PDE1C: variants seen among roughly 807,000 people sequenced by gnomAD.
PDE1C encodes the protein phosphodiesterase 1C.
PDE1C carries 62 observed loss-of-function variants against 93.1 expected under a neutral mutation model. The ratio of observed to expected loss-of-function variants is 0.67; its 90% CI spans 0.54 to 0.82. The LOEUF (loss-of-function observed/expected upper bound fraction) is 0.82. PDE1C is among the 40% of genes least tolerant of loss of function. The pLI, the probability that PDE1C is intolerant of heterozygous loss-of-function variation, is 0.00. For missense variants in PDE1C, 742 were observed against 884.6 expected, an observed-to-expected ratio of 0.84 and a Z score of 2.04; for synonymous variants, 325 against 310.1, an observed-to-expected ratio of 1.05 and a Z score of -0.50.
intron 1 of PDE1C, 112 bp downstream of exon 1, chr7:32,070,181 T>C (rs149435064): frequency 2.6e-6 from 4 of 1,542,634 alleles, no homozygotes; most frequent in Non-Finnish European, 3.5e-6. Context: ...ACTTCTAGGG[T>C]TGTATTTAAA....
intron 1 of PDE1C, among the ~76,000 whole-genome samples, chr7:32,058,846 T>C (rs1353933313): frequency 6.6e-6 from 1 of 152,168 alleles, no homozygotes; most frequent in African/African-American, 2.4e-5. Flanking sequence ...CCTGTCTTAC[T>C]AGCTCGAATA....
chr7:32,070,330 C>G lies in PDE1C; in HGVS notation c.64G>C (p.Glu22Gln). 1 of 1,614,230 alleles carries G rather than the reference C, an allele frequency of 6.2e-7. No individual in the cohort carries two copies. The highest frequency in any genetic ancestry group is 8.5e-7 in the Non-Finnish European group (1 of 1,180,038). Residue 22 changes from glutamate to glutamine, a missense_variant, in exon 1 of 18, where the codon GAA becomes CAA. This residue lies in a region of PDE1C where 74 missense variants were observed against 88.2 expected (regional missense o/e 0.84). Transcript: ENST00000396191. ...ESNSLKYLQP[E>Q]QIEKIWLRLR... ...CGAAGCCAGATTTTCTCGATCTGTT[C>G]CGGTTGCAGGTATTTCAGAGAGTTG...
chr7:31,987,478 A>G (rs1470415646), intron 2 of PDE1C, among the ~76,000 whole-genome samples: 1 of 152,160 alleles, frequency 6.6e-6, no homozygotes, highest in Admixed American at 6.5e-5. Context: ...AAAGGAAACC[A>G]CCCACAAGCC....
intron 16 of PDE1C, among the ~76,000 whole-genome samples, chr7:31,800,243 T>C (rs1471710375): frequency 5.3e-5 from 8 of 151,638 alleles, no homozygotes; most frequent in Non-Finnish European, 7.4e-5. Flanking sequence ...ATAGAGGCTT[T>C]TGATAAAGCA....
intron 1 of PDE1C, among the ~76,000 whole-genome samples, chr7:32,253,913 T>C (rs1809584563): frequency 6.6e-6 from 1 of 151,928 alleles, no homozygotes; most frequent in African/African-American, 2.4e-5. Context: ...GGAAAAGGGA[T>C]TTTCCTAGGA....
At chr7:31,725,980 G>T in the PDE1C span, among the ~76,000 whole-genome samples, 1 of 152,254 alleles carries the variant, frequency 6.6e-6, no homozygotes, top group East Asian at 1.9e-4. Context: ...AACAAATTAT[G>T]CTTACTTCTA....
chr7:31,844,581 C>G (rs1009093750), intron 9 of PDE1C, among the ~76,000 whole-genome samples: 1 of 151,944 alleles, frequency 6.6e-6, no homozygotes, highest in South Asian at 2.1e-4. Flanking sequence ...ATCTTTGCCT[C>G]TCAGCAGTTT....
At chr7:32,375,869 C>T (rs1014040225) in intron 1 of PDE1C, among the ~76,000 whole-genome samples, 1 of 152,186 alleles carries the variant, frequency 6.6e-6, no homozygotes, top group African/African-American at 2.4e-5. Flanking sequence ...AAAATATTCA[C>T]AACCAGGCCT....
At chr7:32,011,467 C>T (rs1787101471) in intron 2 of PDE1C, among the ~76,000 whole-genome samples, 1 of 152,196 alleles carries the variant, frequency 6.6e-6, no homozygotes, top group Non-Finnish European at 1.5e-5. Context: ...GCTGGGATTA[C>T]AGGCATGAGC....
chr7:31,723,322 G>A, the PDE1C span, among the ~76,000 whole-genome samples: 25,678 of 152,026 alleles, frequency 0.17, 2,978 homozygotes, highest in East Asian at 0.36. Flanking sequence ...ATATGAGCTC[G>A]TATTCCCTGG....
At chr7:31,808,925 A>G in intron 16 of PDE1C, 106 bp downstream of exon 16, 1 of 645,826 alleles carries the variant, frequency 1.5e-6, no homozygotes, top group Non-Finnish European at 2.8e-6. Flanking sequence ...TTTTCAGGAT[A>G]TAAGAATATA....
chr7:32,269,830 A>G (rs1237136644), intron 1 of PDE1C, among the ~76,000 whole-genome samples: 3 of 152,038 alleles, frequency 2.0e-5, no homozygotes, highest in Non-Finnish European at 4.4e-5. Context: ...CTGGAGTGCA[A>G]TGGTGTAGTC....
chr7:32,214,004 T>G (rs1027827505), intron 1 of PDE1C, among the ~76,000 whole-genome samples: 1 of 152,186 alleles, frequency 6.6e-6, no homozygotes, highest in South Asian at 2.1e-4. Flanking sequence ...GGAAAAAATG[T>G]TTTTATTAGA....
At chr7:32,248,374 T>C (rs764513087) in intron 1 of PDE1C, among the ~76,000 whole-genome samples, 1 of 152,214 alleles carries the variant, frequency 6.6e-6, no homozygotes, top group Non-Finnish European at 1.5e-5. Flanking sequence ...TACTTAGGTA[T>C]ACAAGCCAGA....
intron 3 of PDE1C, among the ~76,000 whole-genome samples, chr7:32,156,268 C>T (rs1445475985): frequency 2.6e-5 from 4 of 152,130 alleles, no homozygotes; most frequent in Admixed American, 2.6e-4. Context: ...AACTATTTAT[C>T]CTCATGCTCT....
At chr7:31,682,199 T>G in the PDE1C span, among the ~76,000 whole-genome samples, 1 of 152,172 alleles carries the variant, frequency 6.6e-6, no homozygotes, top group African/African-American at 2.4e-5. Flanking sequence ...GTGTCTGGCA[T>G]GTAGTAACCA....
chr7:32,215,287 T>C (rs1806349282), intron 1 of PDE1C, among the ~76,000 whole-genome samples: 1 of 152,144 alleles, frequency 6.6e-6, no homozygotes, highest in African/African-American at 2.4e-5. Context: ...TGCCTTATGA[T>C]CATCTGAGGT....
intron 1 of PDE1C, among the ~76,000 whole-genome samples, chr7:32,335,572 T>A (rs1255793298): frequency 6.6e-6 from 1 of 152,172 alleles, no homozygotes; most frequent in African/African-American, 2.4e-5. Context: ...TCGATGGCCA[T>A]CTTCTCCCTA....
chr7:31,637,288 T>G, the PDE1C span, among the ~76,000 whole-genome samples: 1 of 152,306 alleles, frequency 6.6e-6, no homozygotes, highest in South Asian at 2.1e-4. Context: ...TATTTCTAGT[T>G]GTAGATCCCT....
Sources: allele counts gnomAD v4.1 joint callset (sites outside exome capture counted in the v4.1 genomes callset), GRCh38; gene constraint gnomAD v4.1.1; regional missense constraint gnomAD v4.1.1; transcripts MANE v1.5; gene names NCBI Gene and HGNC (gene_info 2026-07-23, HGNC 2026-07-21).